Variants in FAM200C observed in about 807,000 individuals in gnomAD.
At chr5:160,394,418 C>T in the FAM200C span, 32 of 1,613,382 alleles carry the variant, frequency 2.0e-5, no homozygotes, top group Non-Finnish European at 2.5e-5. Flanking sequence ...TAAATTACTG[C>T]TCTTGTGGTG....
the FAM200C span, among the ~76,000 whole-genome samples, chr5:160,396,199 G>A: frequency 2.1e-5 from 3 of 142,324 alleles, no homozygotes; most frequent in East Asian, 6.6e-4. Flanking sequence ...CATTATCCAC[G>A]TCCATGTGTA....
At chr5:160,394,073 C>T in the FAM200C span, 4 of 1,611,824 alleles carry the variant, frequency 2.5e-6, no homozygotes, top group East Asian at 2.2e-5. Flanking sequence ...ATCCAATATC[C>T]ATTTACTTGC....
chr5:160,398,289 T>A, the FAM200C span, among the ~76,000 whole-genome samples: 1 of 151,484 alleles, frequency 6.6e-6, no homozygotes, highest in Admixed American at 6.6e-5. Context: ...GTGGCTCATG[T>A]CCATAATCCC....
chr5:160,398,903 A>G, the FAM200C span, among the ~76,000 whole-genome samples: 1 of 151,994 alleles, frequency 6.6e-6, no homozygotes, highest in African/African-American at 2.4e-5. Context: ...TGTGTTTTTA[A>G]AAAGTCCTCA....
chr5:160,394,238 C>T, the FAM200C span: 2 of 1,612,368 alleles, frequency 1.2e-6, no homozygotes, highest in Non-Finnish European at 1.7e-6. Flanking sequence ...TTTCTCAATT[C>T]GTTTTTGCCA....
the FAM200C span, chr5:160,394,785 C>T: frequency 6.2e-6 from 10 of 1,613,760 alleles, no homozygotes; most frequent in African/African-American, 1.3e-5. Flanking sequence ...GAGCCACATA[C>T]ATCAAGTGCT....
chr5:160,395,013 G>C, the FAM200C span: 1 of 1,613,668 alleles, frequency 6.2e-7, no homozygotes, highest in Non-Finnish European at 8.5e-7. Flanking sequence ...TCTAGAACTT[G>C]CTGTAAGATA....
At chr5:160,398,025 T>G in the FAM200C span, among the ~76,000 whole-genome samples, 1 of 152,190 alleles carries the variant, frequency 6.6e-6, no homozygotes, top group Non-Finnish European at 1.5e-5. Context: ...GCAGATCACT[T>G]GAGGTCAGGA....
the FAM200C span, chr5:160,395,419 T>C: frequency 6.2e-7 from 1 of 1,614,048 alleles, no homozygotes; most frequent in African/African-American, 1.3e-5. Context: ...GACGCTGAGT[T>C]CCATCTACTT....
At chr5:160,396,181 C>T in the FAM200C span, among the ~76,000 whole-genome samples, 1 of 151,992 alleles carries the variant, frequency 6.6e-6, no homozygotes, top group African/African-American at 2.4e-5. Flanking sequence ...CTCCTTTACC[C>T]ATCACTCCAT....
At chr5:160,395,496 A>G in the FAM200C span, 1 of 1,611,792 alleles carries the variant, frequency 6.2e-7, no homozygotes, top group East Asian at 2.2e-5. Context: ...GACATGGCAC[A>G]CAAAAATTCT....
chr5:160,393,708 A>G, the FAM200C span: 2 of 1,543,282 alleles, frequency 1.3e-6, no homozygotes, highest in South Asian at 1.2e-5. Flanking sequence ...ATATCAGCTT[A>G]CAGTGACTTC....
chr5:160,394,450 A>C, the FAM200C span: 1 of 1,613,884 alleles, frequency 6.2e-7, no homozygotes, highest in Non-Finnish European at 8.5e-7. Context: ...TTATTTCTTC[A>C]TACATTTCAA....
At chr5:160,394,978 T>C in the FAM200C span, 2 of 1,613,820 alleles carry the variant, frequency 1.2e-6, no homozygotes, top group Non-Finnish European at 1.7e-6. Context: ...GAATACCCAC[T>C]TTAAGAGGAC....
At chr5:160,395,497 C>T in the FAM200C span, 7 of 1,609,640 alleles carry the variant, frequency 4.3e-6, no homozygotes, top group Admixed American at 1.7e-5. Flanking sequence ...ACATGGCACA[C>T]AAAAATTCTC....
the FAM200C span, chr5:160,395,315 G>C: frequency 6.2e-7 from 1 of 1,614,156 alleles, no homozygotes; most frequent in Non-Finnish European, 8.5e-7. Flanking sequence ...ATCATGCCCA[G>C]CTACACCACC....
chr5:160,396,359 A>T, the FAM200C span, among the ~76,000 whole-genome samples: 2 of 152,194 alleles, frequency 1.3e-5, no homozygotes, highest in Non-Finnish European at 2.9e-5. Context: ...AGTCTGATTA[A>T]GCCACCCCTG....
At chr5:160,394,870 A>G in the FAM200C span, 35 of 1,613,014 alleles carry the variant, frequency 2.2e-5, no homozygotes, top group Non-Finnish European at 3.0e-5. Context: ...GCAATGGTTC[A>G]CAGAAGAGAA....
the FAM200C span, among the ~76,000 whole-genome samples, chr5:160,398,337 G>A: frequency 4.6e-5 from 7 of 152,204 alleles, no homozygotes; most frequent in Non-Finnish European, 7.3e-5. Flanking sequence ...ATCACCTGAG[G>A]TCAGGAGTTT....
Sources: allele counts gnomAD v4.1 joint callset (sites outside exome capture counted in the v4.1 genomes callset), GRCh38; gene constraint gnomAD v4.1.1; transcripts MANE v1.5.